C6orf89: variants seen among roughly 807,000 people sequenced by gnomAD.
C6orf89 encodes chromosome 6 open reading frame 89, also known as bombesin receptor-activated protein C6orf89.
Under a neutral mutation model 40.7 loss-of-function variants are expected in C6orf89, and 29 were observed. That is an observed-to-expected ratio of 0.71 (90% CI 0.53 to 0.97). C6orf89 has a LOEUF of 0.97. Among genes scored for constraint, C6orf89 ranks in the 50% least tolerant of loss-of-function variants. C6orf89 has a pLI of 0.00. For synonymous variants in C6orf89, 165 were observed against 152.2 expected (o/e 1.08, Z -0.62); for missense variants, 392 against 429.1 (o/e 0.91, Z 0.76).
chr6:36,874,784 C>A, intron 1 of C6orf89: 1 of 1,613,836 alleles, frequency 6.2e-7, no homozygotes, highest in Non-Finnish European at 8.5e-7. Context: ...GCGAAGCCGG[C>A]GGCGGAATGC....
chr6:36,884,829 TA>T (rs1403146258), upstream of C6orf89, among the ~76,000 whole-genome samples: 1 of 152,146 alleles, frequency 6.6e-6, no homozygotes, highest in East Asian at 1.9e-4. This position sits in a 1 kb window ranked among gnomAD's most constrained non-coding sequence, Gnocchi z 4.0. Flanking sequence ...ACCAAGGCTT[TA>T]AAAAAACACA....
At chr6:36,892,849 T>G (rs1210584674) in intron 1 of C6orf89, 2 of 152,280 alleles carry the variant, frequency 1.3e-5, no homozygotes, top group Non-Finnish European at 2.9e-5. Flanking sequence ...TGGAACTACT[T>G]TCTGCAGGTA....
At chr6:36,885,752 G>A, upstream of C6orf89, 1 of 361,114 alleles carries the variant, frequency 2.8e-6, no homozygotes. Flanking sequence ...TAGGACTGGG[G>A]CGAAAAGAGC....
In C6orf89 at chr6:36,873,037, A is replaced by G. The variant is rs145273670; in HGVS notation, c.-628+1070A>G. On this transcript the variant is annotated intron_variant, in intron 1 of 9. Transcript: ENST00000359359. ...AGCCTTTCTGCCTGAAATTCATCCA[A>G]TTCATCTTTCACACTGCTCCCATTC... Among the ~76,000 whole-genome samples the G allele has an allele frequency of 5.7e-3, 873 of 152,308 alleles. 7 individuals carry two copies. The highest frequency in any genetic ancestry group is 0.02 in the African/African-American group (838 of 41,566).
At chr6:36,898,283 C>T (rs517878) in intron 2 of C6orf89, among the ~76,000 whole-genome samples, 40,628 of 92,854 alleles carry the variant, frequency 0.44, 7,112 homozygotes, top group African/African-American at 0.54. Context: ...CTTTTCTTTT[C>T]TTTTTTTTTT....
rs183229745 is a variant in C6orf89, at chr6:36,913,620, A to G, written c.404-664A>G. 1.5e-3 allele frequency among the ~76,000 whole-genome samples: 232 copies of G among 152,324 alleles called. 1 individual carries two copies. Among genetic ancestry groups the G allele is most frequent in the African/African-American group, 4.8e-3 (199 of 41,560 alleles). On this transcript the variant is annotated intron_variant, in intron 4 of 8. Transcript: ENST00000480824. ...CAGCCATATGGGTCATAGGTTAGAA[A>G]ATGTTGGGGGAACTACATCTTTAGC... is the stretch of plus-strand genomic sequence containing the variant.
At chr6:36,923,142 G>A (rs1034662959) in intron 8 of C6orf89, among the ~76,000 whole-genome samples, 1 of 152,004 alleles carries the variant, frequency 6.6e-6, no homozygotes, top group Non-Finnish European at 1.5e-5. Context: ...ACCAGCCTGG[G>A]CAATATAGTG....
At chr6:36,874,641 G>A in intron 1 of C6orf89, 2 of 1,562,732 alleles carry the variant, frequency 1.3e-6, no homozygotes, top group Non-Finnish European at 1.8e-6. Flanking sequence ...GGAGGAACGC[G>A]CCAGGAACGC....
chr6:36,881,590 C>T (rs1357473674), upstream of C6orf89, among the ~76,000 whole-genome samples: 1 of 152,228 alleles, frequency 6.6e-6, no homozygotes, highest in African/African-American at 2.4e-5. Flanking sequence ...AGGAGAATCG[C>T]TTGAACCTGG....
upstream of C6orf89, among the ~76,000 whole-genome samples, chr6:36,885,650 T>C (rs965032135): frequency 4.6e-5 from 7 of 152,106 alleles, no homozygotes; most frequent in Admixed American, 2.0e-4. Flanking sequence ...GCCTGGCACA[T>C]AGTAGGGGAC....
At chr6:36,885,525 A>G (rs932092478), upstream of C6orf89, among the ~76,000 whole-genome samples, 2 of 152,142 alleles carry the variant, frequency 1.3e-5, no homozygotes, top group African/African-American at 4.8e-5. Context: ...GAGTGGGCTG[A>G]GTGAAAACTG....
At chr6:36,915,018 T>A (rs1762264718) in intron 6 of C6orf89, among the ~76,000 whole-genome samples, 1 of 152,014 alleles carries the variant, frequency 6.6e-6, no homozygotes, top group Non-Finnish European at 1.5e-5. Flanking sequence ...TGGGGGCACT[T>A]AGCGTGCGAG....
At chr6:36,922,134 C>T (rs886408551) in intron 8 of C6orf89, among the ~76,000 whole-genome samples, 7 of 152,136 alleles carry the variant, frequency 4.6e-5, no homozygotes, top group African/African-American at 1.2e-4. Context: ...GTCAGGAGTT[C>T]GAGACCAGCC....
intron 4 of C6orf89, among the ~76,000 whole-genome samples, chr6:36,906,196 A>G (rs972619478): frequency 6.6e-6 from 1 of 152,230 alleles, no homozygotes; most frequent in Non-Finnish European, 1.5e-5. Flanking sequence ...CAAATCATTT[A>G]TTGGCCTCAA....
intron 8 of C6orf89, among the ~76,000 whole-genome samples, chr6:36,920,138 C>T (rs929483349): frequency 1.3e-5 from 2 of 152,100 alleles, no homozygotes; most frequent in Non-Finnish European, 2.9e-5. Flanking sequence ...GAATATATAC[C>T]CATTTTGCAA....
chr6:36,895,988 T>C lies in C6orf89; in HGVS notation c.-20+1385T>C, dbSNP rs569974726. ...TCCTCCATGTCCTTACCAACACTTT[T>C]TGTCTGACTTCTTGATTGTAGCTAT... On this transcript the variant is annotated intron_variant, in intron 2 of 8. Coordinates refer to ENST00000480824, the MANE Select transcript of C6orf89 (RefSeq NM_001286635.2). Among the ~76,000 whole-genome samples the C allele has an allele frequency of 8.5e-5, 13 of 152,368 alleles. No homozygotes were observed. In the East Asian group the frequency reaches 2.5e-3, roughly 29 times the overall value.
intron 1 of C6orf89, chr6:36,875,012 A>C: frequency 1.9e-6 from 1 of 533,982 alleles, no homozygotes; most frequent in Non-Finnish European, 3.3e-6. Flanking sequence ...GTGGTCTCCA[A>C]GTGGCGATAC....
In C6orf89 at chr6:36,916,676, C is replaced by T. The variant is rs907764716; in HGVS notation, c.825+102C>T. The T allele has an allele frequency of 2.1e-6, 3 of 1,441,704 alleles. No homozygotes were observed. In the South Asian group the frequency reaches 3.6e-5, roughly 17 times the overall value. 89.3% of individuals were successfully genotyped at this position (1,441,704 alleles called of 1,614,324 possible). On this transcript the variant is annotated intron_variant, in intron 7 of 8. Coordinates refer to ENST00000480824, the MANE Select transcript of C6orf89 (RefSeq NM_001286635.2). ...CCCTGCATATTGGCTTAGAGGGTTA[C>T]AGGGTGAATTGAGGGGACACCCACA...
intron 4 of C6orf89, among the ~76,000 whole-genome samples, chr6:36,910,749 C>T (rs1388284019): frequency 6.6e-6 from 1 of 151,222 alleles, no homozygotes; most frequent in African/African-American, 2.4e-5. Flanking sequence ...AAAGGCTGGT[C>T]TCAAACTCCT....
Sources: gnomAD v4.1 joint callset for allele counts (sites outside exome capture counted in the v4.1 genomes callset) on GRCh38, gnomAD v4.1.1 for gene constraint, Gnocchi (gnomAD v3.1) non-coding constraint, MANE v1.5 for transcripts, NCBI Gene and HGNC (gene_info 2026-07-23, HGNC 2026-07-21) for gene names.